The following FREM1 variants were observed in gnomAD, a reference collection of about 807,000 sequenced individuals.
FREM1 encodes the protein FRAS1-related extracellular matrix protein 1.
FREM1 carries 220 observed loss-of-function variants against 210.1 expected under a neutral mutation model. The ratio of observed to expected loss-of-function variants is 1.05; its 90% CI spans 0.94 to 1.17. FREM1 has a LOEUF of 1.17. Among genes scored for constraint, FREM1 ranks in the 50% most tolerant of loss-of-function variants. The pLI is 0.00. For missense variants in FREM1, 3,454 were observed against 2,675.5 expected, an observed-to-expected ratio of 1.29 and a Z score of -6.42; for synonymous variants, 1,189 against 980.2, an observed-to-expected ratio of 1.21 and a Z score of -3.98.
At chr9:14,859,576 C>T in intron 3 of FREM1, 92 bp from the exon 4 acceptor site, 2 of 1,088,320 alleles carry the variant, frequency 1.8e-6, no homozygotes, top group East Asian at 4.9e-5. Context: ...GATTGGCCTT[C>T]ACCAAATTTG....
At chr9:14,741,602 T>G (rs1055511738) in intron 35 of FREM1, among the ~76,000 whole-genome samples, 9 of 152,178 alleles carry the variant, frequency 5.9e-5, no homozygotes, top group Non-Finnish European at 1.3e-4. Context: ...CGCTGTAGGC[T>G]TAGAACACAC....
intron 10 of FREM1, among the ~76,000 whole-genome samples, chr9:14,835,135 T>G (rs1824308966): frequency 6.6e-6 from 1 of 152,244 alleles, no homozygotes; most frequent in African/African-American, 2.4e-5. Flanking sequence ...CTAAGTGGAC[T>G]GCACTCACAA....
At chr9:14,773,930 A>G in intron 25 of FREM1, 1 of 377,920 alleles carries the variant, frequency 2.6e-6, no homozygotes, top group Middle Eastern at 9.3e-4. Context: ...CAGTACAGAG[A>G]CTGGTATCAA....
intron 35 of FREM1, among the ~76,000 whole-genome samples, chr9:14,741,234 G>A (rs960415242): frequency 1.3e-5 from 2 of 152,106 alleles, no homozygotes; most frequent in African/African-American, 4.8e-5. Flanking sequence ...ACACATTCGG[G>A]CAGATAGCTG....
At chr9:14,887,123 A>T (rs1045101218) in intron 1 of FREM1, among the ~76,000 whole-genome samples, 2 of 152,184 alleles carry the variant, frequency 1.3e-5, no homozygotes, top group Admixed American at 6.5e-5. Flanking sequence ...ATGAACTGGA[A>T]ATCAGAACTG....
intron 24 of FREM1, among the ~76,000 whole-genome samples, chr9:14,779,014 AT>A (rs1849213127): frequency 3.9e-5 from 6 of 152,178 alleles, no homozygotes. Context: ...ATTATGCTTT[AT>A]TTCTCAGGCA....
intron 35 of FREM1, among the ~76,000 whole-genome samples, chr9:14,745,905 G>A (rs1842338862): frequency 6.6e-6 from 1 of 152,122 alleles, no homozygotes; most frequent in African/African-American, 2.4e-5. Flanking sequence ...CGCATTGCTA[G>A]AGGCCCGACG....
chr9:14,794,288 C>T (rs975911674), intron 21 of FREM1, among the ~76,000 whole-genome samples: 1 of 152,126 alleles, frequency 6.6e-6, no homozygotes, highest in Admixed American at 6.5e-5. Context: ...AATTGGGGCT[C>T]AATCCTGCTG....
chr9:14,851,271 C>G lies in FREM1; in HGVS notation c.1152+13G>C. On this transcript the variant is annotated intron_variant, in intron 6 of 36. Transcript: ENST00000380880. ...CTTCTAACTAGGCTGGAAGCTTTGT[C>G]TCTCCTTCTTACCTCATCATGTCTC... The G allele has an allele frequency of 1.3e-6, 2 of 1,549,794 alleles. No individual in the cohort carries two copies. Among genetic ancestry groups the G allele is most frequent in the Non-Finnish European group, 1.7e-6 (2 of 1,147,840 alleles).
chr9:14,741,940 T>C (rs959608380), intron 35 of FREM1, among the ~76,000 whole-genome samples: 1 of 152,206 alleles, frequency 6.6e-6, no homozygotes, highest in African/African-American at 2.4e-5. Context: ...GGTTTTCTTT[T>C]TGACTCTCCA....
chr9:14,866,014 C>T (rs2131780619), intron 2 of FREM1, among the ~76,000 whole-genome samples: 1 of 152,222 alleles, frequency 6.6e-6, no homozygotes, highest in African/African-American at 2.4e-5. Flanking sequence ...AATCCCATAC[C>T]GACTTTAGAG....
At chr9:14,869,391 T>C in intron 1 of FREM1, 147 bp from the exon 2 acceptor site, 2 of 161,818 alleles carry the variant, frequency 1.2e-5, no homozygotes, top group Non-Finnish European at 2.7e-5. Flanking sequence ...ACTTGACCTC[T>C]AGACCCATCT....
chr9:14,760,136 C>A (rs1394467158), intron 27 of FREM1, among the ~76,000 whole-genome samples: 1 of 152,154 alleles, frequency 6.6e-6, no homozygotes, highest in East Asian at 1.9e-4. Context: ...TTCCATTTCA[C>A]AAATGAAGAA....
At chr9:14,860,846 TATATACGTATATATACAC>T (rs1829997887) in intron 3 of FREM1, among the ~76,000 whole-genome samples, 1 of 96,970 alleles carries the variant, frequency 1.0e-5, no homozygotes, top group African/African-American at 5.6e-5. Flanking sequence ...TATATATACA[TATATACGTATATATACAC>T]ATATATATAC....
intron 8 of FREM1, among the ~76,000 whole-genome samples, chr9:14,844,515 G>T (rs1826253110): frequency 6.6e-6 from 1 of 152,148 alleles, no homozygotes; most frequent in South Asian, 2.1e-4. Context: ...GTGAGCCACT[G>T]TGCCCGGCCA....
Position 14,747,952 on chromosome 9 carries a change from A to C in FREM1, c.5797-224T>G, listed in dbSNP as rs539710620. On this transcript the variant is annotated intron_variant, in intron 31 of 36. Transcript: ENST00000380880. ...ACACATACAGAGTTCCAGTCAGGGA[A>C]AAAGTACATCTTTATTTTTTGGTAT... Among the ~76,000 whole-genome samples the C allele has an allele frequency of 3.4e-4, 52 of 152,362 alleles. 1 individual carries two copies. In the East Asian group the frequency reaches 0.01, roughly 29 times the overall value.
intron 3 of FREM1, among the ~76,000 whole-genome samples, chr9:14,860,751 A>G (rs138293760): frequency 0.02 from 2,265 of 110,900 alleles, 129 homozygotes; most frequent in East Asian, 0.083. Flanking sequence ...ATATATATGC[A>G]CATATATATG....
chr9:14,890,438 A>T (rs1374754078), intron 1 of FREM1, among the ~76,000 whole-genome samples: 2 of 152,252 alleles, frequency 1.3e-5, no homozygotes, highest in Non-Finnish European at 2.9e-5. Flanking sequence ...ATCACCTTCT[A>T]AAAATTCACA....
intron 25 of FREM1, among the ~76,000 whole-genome samples, chr9:14,772,387 G>T (rs866478835): frequency 6.6e-6 from 1 of 152,046 alleles, no homozygotes; most frequent in Non-Finnish European, 1.5e-5. Flanking sequence ...AATATGATTA[G>T]TTATCAAGAA....
Sources: gnomAD v4.1 joint callset for allele counts (sites outside exome capture counted in the v4.1 genomes callset) on GRCh38, gnomAD v4.1.1 for gene constraint, MANE v1.5 for transcripts, NCBI Gene and HGNC (gene_info 2026-07-23, HGNC 2026-07-21) for gene names.